Variants in SCN3A observed in about 807,000 individuals in gnomAD.
SCN3A encodes sodium channel protein type 3 subunit alpha.
SCN3A carries 60 observed loss-of-function variants against 187.6 expected under a neutral mutation model. The ratio of observed to expected loss-of-function variants is 0.32; its 90% CI spans 0.26 to 0.40. The LOEUF (loss-of-function observed/expected upper bound fraction) is 0.40. SCN3A is among the 10% of genes least tolerant of loss of function. The pLI is 1.00. For synonymous variants in SCN3A, 788 were observed against 829.2 expected (o/e 0.95, Z 0.85); for missense variants, 1,601 against 2,428.2 (o/e 0.66, Z 7.16).
chr2:165,092,470 T>C lies in SCN3A; in HGVS notation c.4591A>G (p.Ser1531Gly), dbSNP rs1236809636. ...TTGAGGCAGATGAGGATCATGATGC[T>C]GATATCAAAGACTTGTCTGGTTACA... ...DFVTRQVFDISIMILICLNMV... is the reference protein window; with the variant it reads ...DFVTRQVFDIGIMILICLNMV... Residue 1531 changes from serine to glycine, a missense_variant, in exon 27 of 28, where the codon AGC becomes GGC. By Grantham distance (56) the Ser-to-Gly change is moderately conservative (BLOSUM62 0). Coordinates refer to ENST00000283254, the MANE Select transcript of SCN3A (RefSeq NM_006922.4). This position sits in a 1 kb window ranked among gnomAD's most constrained non-coding sequence, Gnocchi z 4.2. The C allele has an allele frequency of 1.1e-5, 18 of 1,613,834 alleles. No homozygotes were observed. In the African/African-American group the frequency reaches 2.1e-4, roughly 19 times the overall value.
intron 9 of SCN3A, among the ~76,000 whole-genome samples, chr2:165,160,618 A>C (rs2105882764): frequency 6.6e-6 from 1 of 151,460 alleles, no homozygotes; most frequent in East Asian, 1.9e-4. Context: ...CTTTTTTTAG[A>C]GTGTGCTTTT....
At chr2:165,198,181 G>GA (rs1016615544) in intron 1 of SCN3A, among the ~76,000 whole-genome samples, 15 of 149,092 alleles carry the variant, frequency 1.0e-4, no homozygotes, top group Middle Eastern at 6.9e-3. Flanking sequence ...AATAGCAATA[G>GA]AAAAAAAAGA....
rs935595688 is a variant in SCN3A at position 165,176,124 on chromosome 2, T to C, written c.264+7A>G. On this transcript the variant is annotated splice_region_variant and intron_variant, in intron 3 of 27. Transcript: ENST00000283254. ...AGATTTATTAGAAGTCTAAAATCAA[T>C]ACTCACTTTCTTATTGATATAGTAG... 1 of 1,612,392 alleles carries C rather than the reference T, an allele frequency of 6.2e-7. No homozygotes were observed. The highest frequency in any genetic ancestry group is 8.5e-7 in the Non-Finnish European group (1 of 1,178,754).
intron 2 of SCN3A, among the ~76,000 whole-genome samples, chr2:165,180,221 G>T (rs531451024): frequency 2.0e-5 from 3 of 152,216 alleles, no homozygotes; most frequent in South Asian, 2.1e-4. Context: ...AAAGGATCTC[G>T]AAATCATTTA....
At chr2:165,144,081 T>G (rs1337424098) in intron 12 of SCN3A, among the ~76,000 whole-genome samples, 2 of 152,198 alleles carry the variant, frequency 1.3e-5, no homozygotes, top group East Asian at 3.9e-4. Context: ...CCACAATTTA[T>G]GCCCTCTCTG....
intron 3 of SCN3A, among the ~76,000 whole-genome samples, chr2:165,172,747 C>T (rs1423624266): frequency 3.3e-5 from 5 of 152,082 alleles, no homozygotes; most frequent in East Asian, 1.9e-4. Flanking sequence ...GATTAGCCTT[C>T]GTAGTACTAG....
intron 18 of SCN3A, among the ~76,000 whole-genome samples, chr2:165,116,078 G>A (rs1559196685): frequency 6.7e-6 from 1 of 150,094 alleles, no homozygotes; most frequent in Non-Finnish European, 1.5e-5. Context: ...GAAAGAAAGA[G>A]CAGCACATTA....
intron 1 of SCN3A, among the ~76,000 whole-genome samples, chr2:165,188,816 A>C (rs1416103089): frequency 1.3e-5 from 2 of 151,730 alleles, no homozygotes; most frequent in African/African-American, 4.8e-5. Flanking sequence ...AAAAAAAAAA[A>C]AAAAAAAAAA....
chr2:165,120,380 G>A (rs570233373), intron 18 of SCN3A, among the ~76,000 whole-genome samples: 2 of 151,974 alleles, frequency 1.3e-5, no homozygotes, highest in African/African-American at 4.8e-5. Flanking sequence ...TCCCCCATAT[G>A]ACAAATATTG....
At chr2:165,137,679 T>C (rs138704440) in intron 15 of SCN3A, among the ~76,000 whole-genome samples, 200 bp downstream of exon 15, 2 of 152,268 alleles carry the variant, frequency 1.3e-5, no homozygotes, top group East Asian at 1.9e-4. Flanking sequence ...AGCACAGACA[T>C]TGGCCTAAAC....
rs1684941608 is a variant in SCN3A at position 165,088,592 on chromosome 2, T to C, written c.*1558A>G. ...ATAACAAAGAAATCCATAAAACCCATTATCTAACTTTTATTTTAGGAAATT... is the reference window on the plus strand; with the variant it reads ...ATAACAAAGAAATCCATAAAACCCACTATCTAACTTTTATTTTAGGAAATT... On this transcript the variant is annotated 3_prime_UTR_variant, in exon 28 of 28. Coordinates refer to ENST00000283254, the MANE Select transcript of SCN3A (RefSeq NM_006922.4). 6.6e-6 allele frequency: 1 copy of C among 152,492 alleles called. No individual in the cohort carries two copies. The highest frequency in any genetic ancestry group is 2.4e-5 in the African/African-American group (1 of 41,448). 9.4% of individuals were successfully genotyped at this position (152,492 alleles called of 1,614,324 possible).
At chr2:165,102,491 G>C (rs914191550) in intron 21 of SCN3A, among the ~76,000 whole-genome samples, 1 of 152,118 alleles carries the variant, frequency 6.6e-6, no homozygotes, top group African/African-American at 2.4e-5. Context: ...CTCCAGCCTG[G>C]GCTATAGAGT....
rs1685037084 is a variant in SCN3A at position 165,090,505 on chromosome 2, G to A, written c.5648C>T (p.Pro1883Leu). The change falls in exon 28 of 28, where the codon CCC becomes CTC. Residue 1883 changes from proline (P) to leucine (L), a missense_variant. Pro to Leu is a moderately conservative substitution (Grantham distance 98, BLOSUM62 -3). This residue lies in a region of SCN3A where 110 missense variants were observed against 175.9 expected (regional missense o/e 0.63). Transcript: ENST00000283254. This position sits in a 1 kb window ranked among gnomAD's most constrained non-coding sequence, Gnocchi z 4.0. ...AATAGGCTCATAAGAGACTTTGGAG[G>A]GGTTTGATGCCATAAACCTGTCTTC... ...QMEDRFMASN[P>L]SKVSYEPITT... 2 of 1,613,934 alleles carry A rather than the reference G, an allele frequency of 1.2e-6. No individual in the cohort carries two copies. Among genetic ancestry groups the A allele is most frequent in the Non-Finnish European group, 1.7e-6 (2 of 1,179,958 alleles).
At chr2:165,189,136 A>C (rs2105962729) in intron 1 of SCN3A, among the ~76,000 whole-genome samples, 1 of 152,356 alleles carries the variant, frequency 6.6e-6, no homozygotes, top group South Asian at 2.1e-4. Flanking sequence ...AAACAAAACA[A>C]ACACATTTCC....
intron 18 of SCN3A, among the ~76,000 whole-genome samples, chr2:165,117,388 G>T (rs988637610): frequency 6.6e-6 from 1 of 151,922 alleles, no homozygotes; most frequent in Non-Finnish European, 1.5e-5. Flanking sequence ...ATTCTTTCTT[G>T]CATGATTTTC....
chr2:165,096,629 G>T (rs1685377185), intron 23 of SCN3A, 109 bp from the exon 24 acceptor site: 7 of 686,308 alleles, frequency 1.0e-5, no homozygotes, highest in East Asian at 2.8e-5. Context: ...GTACAATATT[G>T]TGAAATTTCA....
chr2:165,092,084 C>A lies in SCN3A; in HGVS notation c.4807+170G>T. 1.5e-6 allele frequency: 1 copy of A among 687,644 alleles called. No individual in the cohort carries two copies. Among genetic ancestry groups the A allele is most frequent in the Non-Finnish European group, 2.5e-6 (1 of 397,530 alleles). 42.6% of individuals were successfully genotyped at this position (687,644 alleles called of 1,614,324 possible). ...CCTAACATGGTTTCTAACTAGTTAG[C>A]TTTGTGAATAAACCCAGGTTTCAGA... On this transcript the variant is annotated intron_variant, in intron 27 of 27. Coordinates refer to ENST00000283254, the MANE Select transcript of SCN3A (RefSeq NM_006922.4). The surrounding 1 kb of genome is among the most constrained non-coding windows in gnomAD (Gnocchi z 4.2).
Position 165,154,517 on chromosome 2 carries a change from C to G in SCN3A, c.1315G>C (p.Glu439Gln). Residue 439 changes from glutamate (E) to glutamine (Q), a missense_variant, in exon 11 of 28, where the codon GAA (glutamate) becomes CAA (glutamine). Glu to Gln is a conservative substitution (Grantham distance 29, BLOSUM62 2). Coordinates refer to ENST00000283254, the MANE Select transcript of SCN3A (RefSeq NM_006922.4). Reference protein sequence around the residue: ...EQNQATLEEAEQKEAEFQQML... With the variant: ...EQNQATLEEAQQKEAEFQQML... ...TGCTGAAATTCGGCCTCTTTTTGTT[C>G]TGCTTCTTCCAAGGTGGCCTGATTC... 4 of 1,614,020 alleles carry G rather than the reference C, an allele frequency of 2.5e-6. No individual in the cohort carries two copies. Among genetic ancestry groups the G allele is most frequent in the Non-Finnish European group, 2.5e-6 (3 of 1,179,988 alleles).
Position 165,097,382 on chromosome 2 carries a change from C to A in SCN3A, c.4109G>T (p.Gly1370Val). ...AACATCACTAATGTCAAACATGTTA[C>A]CCGTTGTCATGTTAACACAGTGGTA... ...KFYHCVNMTT[G>V]NMFDISDVNN... Residue 1370 changes from glycine to valine, a missense_variant, in exon 23 of 28, where the codon GGT becomes GTT. By Grantham distance (109) the Gly-to-Val change is moderately radical. Around this residue, in one of 11 missense-constraint regions of SCN3A, gnomAD observed 320 missense variants for 623.2 expected, o/e 0.51. Coordinates refer to ENST00000283254, the MANE Select transcript of SCN3A (RefSeq NM_006922.4). 6.2e-7 allele frequency: 1 copy of A among 1,613,992 alleles called. No individual in the cohort carries two copies. Among genetic ancestry groups the A allele is most frequent in the African/African-American group, 1.3e-5 (1 of 74,990 alleles).
Sources: gnomAD v4.1 joint callset for allele counts (sites outside exome capture counted in the v4.1 genomes callset) on GRCh38, gnomAD v4.1.1 for gene constraint, gnomAD v4.1.1 regional missense constraint, Gnocchi (gnomAD v3.1) non-coding constraint, MANE v1.5 for transcripts, NCBI Gene and HGNC (gene_info 2026-07-23, HGNC 2026-07-21) for gene names.